The following TMEM52B variants were observed in gnomAD, a reference collection of about 807,000 sequenced individuals.
TMEM52B encodes transmembrane protein 52B.
TMEM52B carries 11 observed loss-of-function variants against 16.1 expected under a neutral mutation model. That is an observed-to-expected ratio of 0.68 (90% CI 0.43 to 1.13). The LOEUF is 1.13. Ranked by LOEUF, TMEM52B falls within the 50% of genes most tolerant of loss-of-function variation. The pLI, the probability that TMEM52B is intolerant of heterozygous loss-of-function variation, is 0.00. For synonymous variants in TMEM52B, 101 were observed against 93.8 expected (o/e 1.08, Z -0.45); for missense variants, 243 against 230.4 (o/e 1.05, Z -0.35).
At chr12:10,181,481 C>T (rs113941772) in intron 1 of TMEM52B, among the ~76,000 whole-genome samples, 2,443 of 151,794 alleles carry the variant, frequency 0.016, 58 homozygotes, top group African/African-American at 0.056. Context: ...AGGCGCACAT[C>T]ACCACGCCGG....
At chr12:10,174,129 C>T (rs1458233358), upstream of TMEM52B, among the ~76,000 whole-genome samples, 7 of 152,134 alleles carry the variant, frequency 4.6e-5, no homozygotes, top group Admixed American at 2.6e-4. Context: ...GGCATGATCT[C>T]GGCTCACTGC....
At chr12:10,186,835 G>A (rs1034863701) in intron 4 of TMEM52B, among the ~76,000 whole-genome samples, 17 of 152,290 alleles carry the variant, frequency 1.1e-4, no homozygotes, top group African/African-American at 3.9e-4. Context: ...TATTGAATAG[G>A]AAGAATTAGC....
At chr12:10,175,769 G>A (rs998857539), upstream of TMEM52B, among the ~76,000 whole-genome samples, 6 of 152,204 alleles carry the variant, frequency 3.9e-5, no homozygotes, top group African/African-American at 1.2e-4. Flanking sequence ...AATCAGGGCT[G>A]TGGCCCTACC....
At chr12:10,173,536 T>G (rs1006348159) in intron 1 of TMEM52B, among the ~76,000 whole-genome samples, 26 of 125,310 alleles carry the variant, frequency 2.1e-4, no homozygotes, top group Non-Finnish European at 3.8e-4. Context: ...TCTCAGCACT[T>G]TGGGAAGCTG....
At chr12:10,174,706 C>T (rs1229419408), upstream of TMEM52B, among the ~76,000 whole-genome samples, 1 of 152,154 alleles carries the variant, frequency 6.6e-6, no homozygotes, top group East Asian at 1.9e-4. Context: ...GCGTATTGAT[C>T]CTCTTTCTCT....
At chr12:10,179,857 T>G (rs1447743007) in intron 1 of TMEM52B, among the ~76,000 whole-genome samples, 1 of 152,184 alleles carries the variant, frequency 6.6e-6, no homozygotes, top group East Asian at 1.9e-4. Context: ...AGAGTGAGCA[T>G]GGAAACGAGC....
chr12:10,190,496 A>C lies in TMEM52B; in HGVS notation c.*356A>C. ...AAGTTGTGTCTCTCTCTGTCAGCGAATCCACTGCGGTTAACTGGAAAAGAA... is the reference window on the plus strand; with the variant it reads ...AAGTTGTGTCTCTCTCTGTCAGCGACTCCACTGCGGTTAACTGGAAAAGAA... On this transcript the variant is annotated 3_prime_UTR_variant, in exon 5 of 5. Transcript: ENST00000543484. The C allele has an allele frequency of 4.1e-6, 1 of 244,332 alleles. No individual in the cohort carries two copies. Among genetic ancestry groups the C allele is most frequent in the Non-Finnish European group, 8.2e-6 (1 of 121,544 alleles). 15.1% of individuals were successfully genotyped at this position (244,332 alleles called of 1,614,324 possible).
intron 1 of TMEM52B, among the ~76,000 whole-genome samples, chr12:10,180,827 C>T (rs548730105): frequency 3.5e-4 from 53 of 152,194 alleles, no homozygotes; most frequent in Non-Finnish European, 6.5e-4. Flanking sequence ...TGTTTTTAAA[C>T]GGAGTTTTGC....
At position 10,190,681 on chromosome 12, in the gene TMEM52B, T is replaced by C. The variant is rs1399281506; in HGVS notation, c.*541T>C. 1.2e-5 allele frequency: 2 copies of C among 165,346 alleles called. No individual in the cohort carries two copies. The highest frequency in any genetic ancestry group is 2.7e-5 in the Non-Finnish European group (2 of 74,292). 10.2% of individuals were successfully genotyped at this position (165,346 alleles called of 1,614,324 possible). ...AAAGCTAGGGATGGCATTGCTGATA[T>C]GGGCAAAGAGAACACAGTATAGTAT... is the stretch of plus-strand genomic sequence containing the variant. On this transcript the variant is annotated 3_prime_UTR_variant, in exon 5 of 5. Transcript: ENST00000543484.
At chr12:10,175,008 T>C (rs1183085199), upstream of TMEM52B, among the ~76,000 whole-genome samples, 1 of 152,212 alleles carries the variant, frequency 6.6e-6, no homozygotes, top group Non-Finnish European at 1.5e-5. Flanking sequence ...GTTTATCCTG[T>C]TTTTAAAGAT....
At chr12:10,187,552 C>A (rs1948895393) in intron 4 of TMEM52B, among the ~76,000 whole-genome samples, 1 of 151,886 alleles carries the variant, frequency 6.6e-6, no homozygotes, top group Non-Finnish European at 1.5e-5. Context: ...TTACAAGCAG[C>A]CACCACCACA....
At chr12:10,172,738 T>C (rs1470061568) in intron 1 of TMEM52B, among the ~76,000 whole-genome samples, 1 of 152,224 alleles carries the variant, frequency 6.6e-6, no homozygotes, top group Non-Finnish European at 1.5e-5. Context: ...TTCAGTACTT[T>C]CCTTTAGTCT....
intron 4 of TMEM52B, among the ~76,000 whole-genome samples, chr12:10,187,099 GT>G (rs71049057): frequency 8.5e-5 from 7 of 82,164 alleles, no homozygotes; most frequent in African/African-American, 3.5e-4. Context: ...TTCCATGACG[GT>G]TTTTTTTTTT....
intron 1 of TMEM52B, among the ~76,000 whole-genome samples, chr12:10,181,423 G>A (rs1370426330): frequency 1.3e-5 from 2 of 151,788 alleles, no homozygotes; most frequent in African/African-American, 2.4e-5. Context: ...TCCACTGCCC[G>A]GGTTTAAGCA....
At chr12:10,172,251 G>A (rs1460831022) in intron 1 of TMEM52B, 2 of 555,754 alleles carry the variant, frequency 3.6e-6, no homozygotes, top group Admixed American at 3.1e-5. Context: ...GTTCGCTGAC[G>A]CAAATTCTTG....
chr12:10,172,340 G>A, intron 1 of TMEM52B: 2 of 348,586 alleles, frequency 5.7e-6, no homozygotes, highest in South Asian at 9.7e-5. Flanking sequence ...TTATGAAAGG[G>A]AAAACTATTT....
chr12:10,186,541 A>G lies in TMEM52B; in HGVS notation c.259A>G (p.Thr87Ala). 6.2e-7 allele frequency: 1 copy of G among 1,608,886 alleles called. No individual in the cohort carries two copies. Among genetic ancestry groups the G allele is most frequent in the Non-Finnish European group, 8.5e-7 (1 of 1,176,032 alleles). Residue 87 changes from threonine to alanine, a missense_variant, in exon 4 of 5, where the codon ACC becomes GCC. Physicochemically the swap from Thr to Ala is moderately conservative, Grantham distance 58. Transcript: ENST00000543484. ...TGGGGGCCCACCACCCTGTGAAGTG[A>G]CCGTCATTGCTTTCGATCACGACAG... ...EDGGPPPCEVTVIAFDHDSTL... is the reference protein window; with the variant it reads ...EDGGPPPCEVAVIAFDHDSTL...
At chr12:10,182,290 C>T (rs1160932009) in intron 1 of TMEM52B, 1 of 985,256 alleles carries the variant, frequency 1.0e-6, no homozygotes, top group Non-Finnish European at 1.2e-6. Context: ...AAATGGCTAC[C>T]TCTCATTCAC....
At chr12:10,188,082 G>A (rs1334301751) in intron 4 of TMEM52B, among the ~76,000 whole-genome samples, 2 of 152,062 alleles carry the variant, frequency 1.3e-5, no homozygotes, top group African/African-American at 4.8e-5. Context: ...CTGGGTGAGC[G>A]ACAGAGAAAG....
Sources: gnomAD v4.1 joint callset for allele counts (sites outside exome capture counted in the v4.1 genomes callset) on GRCh38, gnomAD v4.1.1 for gene constraint, MANE v1.5 for transcripts, NCBI Gene and HGNC (gene_info 2026-07-23, HGNC 2026-07-21) for gene names.